The following DACH1 variants were observed in gnomAD, a reference collection of about 807,000 sequenced individuals.
DACH1 encodes the protein dachshund homolog 1.
DACH1 carries 12 observed loss-of-function variants against 54.2 expected under a neutral mutation model. The observed-to-expected ratio is 0.22, with a 90% CI of 0.14 to 0.36. The LOEUF is 0.36. Ranked by LOEUF, DACH1 falls within the 10% of genes least tolerant of loss-of-function variation. The pLI, the probability that DACH1 is intolerant of heterozygous loss-of-function variation, is 1.00. For missense variants in DACH1, 805 were observed against 929.8 expected, an observed-to-expected ratio of 0.87 and a Z score of 1.75; for synonymous variants, 386 against 366.2, an observed-to-expected ratio of 1.05 and a Z score of -0.62.
intron 10 of DACH1, among the ~76,000 whole-genome samples, chr13:71,454,593 G>A (rs7985266): frequency 0.012 from 1,781 of 152,324 alleles, 28 homozygotes; most frequent in African/African-American, 0.035. Context: ...GCTGCCCTGT[G>A]GAGAGTACCG....
intron 3 of DACH1, among the ~76,000 whole-genome samples, chr13:71,610,502 C>G (rs1007010619): frequency 6.6e-6 from 1 of 151,946 alleles, no homozygotes; most frequent in African/African-American, 2.4e-5. Flanking sequence ...TCATAATTGC[C>G]AAGCATAAAT....
chr13:71,473,429 A>G (rs1172957890), intron 10 of DACH1, among the ~76,000 whole-genome samples: 3 of 152,228 alleles, frequency 2.0e-5, no homozygotes, highest in Non-Finnish European at 4.4e-5. Flanking sequence ...TTTCTTCAGA[A>G]TAAGTCAGTC....
intron 2 of DACH1, among the ~76,000 whole-genome samples, chr13:71,638,287 G>A (rs1160307333): frequency 6.6e-6 from 1 of 152,122 alleles, no homozygotes; most frequent in Non-Finnish European, 1.5e-5. Context: ...CAGAAATTTC[G>A]TCGACAGTGC....
chr13:71,672,713 G>A (rs1263579107), intron 2 of DACH1, among the ~76,000 whole-genome samples: 1 of 152,120 alleles, frequency 6.6e-6, no homozygotes, highest in Non-Finnish European at 1.5e-5. Context: ...AGGGACGTAA[G>A]ATACCAGCTG....
intron 7 of DACH1, among the ~76,000 whole-genome samples, chr13:71,485,944 T>A (rs1267274914): frequency 6.6e-6 from 1 of 151,944 alleles, no homozygotes; most frequent in East Asian, 1.9e-4. Context: ...TTAACAAAAG[T>A]CTGGTGCCCA....
chr13:71,779,589 C>T (rs765990676), intron 1 of DACH1, among the ~76,000 whole-genome samples: 3 of 151,934 alleles, frequency 2.0e-5, no homozygotes, highest in Non-Finnish European at 4.4e-5. Context: ...GCTTGCAGAG[C>T]GCTTTGCATA....
At chr13:71,653,894 A>G (rs1878859467) in intron 2 of DACH1, among the ~76,000 whole-genome samples, 1 of 152,200 alleles carries the variant, frequency 6.6e-6, no homozygotes, top group South Asian at 2.1e-4. Flanking sequence ...TCTACAGAGT[A>G]GATCTTAAAT....
At chr13:71,779,312 C>CAT (rs759721098) in intron 1 of DACH1, among the ~76,000 whole-genome samples, 41 of 142,712 alleles carry the variant, frequency 2.9e-4, no homozygotes, top group African/African-American at 8.8e-4. Context: ...TATTTATATA[C>CAT]ATATATATAT....
At chr13:71,733,452 G>A (rs542979263) in intron 1 of DACH1, among the ~76,000 whole-genome samples, 5 of 152,232 alleles carry the variant, frequency 3.3e-5, no homozygotes, top group South Asian at 4.2e-4. Context: ...AAACTGCCGG[G>A]ATTACAGGTG....
chr13:71,809,676 T>C (rs190671306), intron 1 of DACH1, among the ~76,000 whole-genome samples: 1 of 152,210 alleles, frequency 6.6e-6, no homozygotes, highest in Non-Finnish European at 1.5e-5. Flanking sequence ...ATATGGAACA[T>C]AGTCTTATTT....
chr13:71,506,221 G>A lies in DACH1; in HGVS notation c.1571-17073C>T, dbSNP rs532103603. Among the ~76,000 whole-genome samples the A allele has an allele frequency of 4.2e-3, 633 of 150,582 alleles. 3 individuals carry two copies. The highest frequency in any genetic ancestry group is 7.2e-3 in the Non-Finnish European group (487 of 67,692). On this transcript the variant is annotated intron_variant, in intron 6 of 10. Transcript: ENST00000613252. ...TACATATGTATACATGTGCCATGCT[G>A]GTGTGCTGAACCCACTAACTCGTCA...
chr13:71,775,226 C>T (rs751348215), intron 1 of DACH1, among the ~76,000 whole-genome samples: 78 of 140,654 alleles, frequency 5.5e-4, no homozygotes, highest in Non-Finnish European at 9.5e-4. Context: ...TTATTTAAGC[C>T]CAGGAGCTTG....
intron 10 of DACH1, among the ~76,000 whole-genome samples, chr13:71,449,419 C>T (rs1874803407): frequency 6.6e-6 from 1 of 152,032 alleles, no homozygotes; most frequent in Non-Finnish European, 1.5e-5. Context: ...GATAATGTGC[C>T]TTACTAAAAA....
chr13:71,684,305 T>C (rs1237684315), intron 1 of DACH1, among the ~76,000 whole-genome samples: 1 of 152,162 alleles, frequency 6.6e-6, no homozygotes, highest in Non-Finnish European at 1.5e-5. Flanking sequence ...CTTAAAGATA[T>C]CAGTGGTTCC....
chr13:71,861,712 A>G (rs1874366468), intron 1 of DACH1, among the ~76,000 whole-genome samples: 2 of 151,918 alleles, frequency 1.3e-5, no homozygotes, highest in South Asian at 4.1e-4. Flanking sequence ...TCAAAAGCAG[A>G]GTCTCTCTTC....
intron 1 of DACH1, among the ~76,000 whole-genome samples, chr13:71,760,102 C>A (rs944046102): frequency 1.3e-4 from 20 of 152,178 alleles, no homozygotes; most frequent in Admixed American, 8.5e-4. Context: ...CAGGCTACCA[C>A]GGCGGCCCCA....
At chr13:71,731,446 G>A (rs902797436) in intron 1 of DACH1, among the ~76,000 whole-genome samples, 1 of 151,900 alleles carries the variant, frequency 6.6e-6, no homozygotes, top group African/African-American at 2.4e-5. Flanking sequence ...ATCACACCCG[G>A]CTAACGTTTT....
intron 2 of DACH1, among the ~76,000 whole-genome samples, chr13:71,678,924 T>G (rs771970188): frequency 1.3e-5 from 2 of 152,190 alleles, no homozygotes; most frequent in Non-Finnish European, 2.9e-5. Flanking sequence ...GCTCTCCAAG[T>G]GCTGGGATTG....
At chr13:71,490,988 G>C (rs1289892155) in intron 6 of DACH1, among the ~76,000 whole-genome samples, 2 of 152,148 alleles carry the variant, frequency 1.3e-5, no homozygotes, top group Non-Finnish European at 2.9e-5. Flanking sequence ...AATTATTAAA[G>C]ACTGTCCAAG....
Sources: gnomAD v4.1 joint callset for allele counts (sites outside exome capture counted in the v4.1 genomes callset) on GRCh38, gnomAD v4.1.1 for gene constraint, MANE v1.5 for transcripts, NCBI Gene and HGNC (gene_info 2026-07-23, HGNC 2026-07-21) for gene names.